The following ERC2 variants were observed in gnomAD, a reference collection of about 807,000 sequenced individuals.
ERC2 encodes the protein ERC protein 2.
ERC2 carries 42 observed loss-of-function variants against 114.8 expected under a neutral mutation model. That is an observed-to-expected ratio of 0.37 (90% CI 0.29 to 0.47). The LOEUF (loss-of-function observed/expected upper bound fraction) is 0.47. Ranked by LOEUF, ERC2 falls within the 20% of genes least tolerant of loss-of-function variation. The pLI, the probability that ERC2 is intolerant of heterozygous loss-of-function variation, is 0.99. For synonymous variants in ERC2, 454 were observed against 425.5 expected (o/e 1.07, Z -0.82); for missense variants, 939 against 1,150.7 (o/e 0.82, Z 2.66).
At chr3:55,715,175 T>C (rs1026808360) in intron 15 of ERC2, among the ~76,000 whole-genome samples, 109 of 152,284 alleles carry the variant, frequency 7.2e-4, no homozygotes, top group African/African-American at 2.5e-3. Context: ...GTTGTGTCTA[T>C]GCACAAACAG....
intron 17 of ERC2, among the ~76,000 whole-genome samples, chr3:55,586,399 T>C (rs1403351814): frequency 1.3e-5 from 2 of 152,246 alleles, no homozygotes; most frequent in African/African-American, 2.4e-5. Flanking sequence ...TTGACTATGA[T>C]AGCAGAAATG....
intron 13 of ERC2, among the ~76,000 whole-genome samples, chr3:55,926,648 A>G (rs970750936): frequency 6.6e-6 from 1 of 152,168 alleles, no homozygotes; most frequent in Non-Finnish European, 1.5e-5. Context: ...GGAATAAGGC[A>G]TCCTCCTTTA....
intron 14 of ERC2, among the ~76,000 whole-genome samples, chr3:55,809,108 G>A (rs1173787799): frequency 6.6e-6 from 1 of 152,022 alleles, no homozygotes; most frequent in Non-Finnish European, 1.5e-5. Context: ...GGAAGTACTA[G>A]TTACATTTAG....
chr3:55,690,146 C>A (rs563835135), intron 16 of ERC2, among the ~76,000 whole-genome samples: 10 of 152,198 alleles, frequency 6.6e-5, no homozygotes, highest in African/African-American at 2.4e-4. Context: ...TGCCCAAATC[C>A]GAATTTTTAA....
intron 12 of ERC2, among the ~76,000 whole-genome samples, chr3:55,981,321 C>A (rs2070116652): frequency 6.6e-6 from 1 of 152,216 alleles, no homozygotes; most frequent in African/African-American, 2.4e-5. Context: ...AATAAGGCAG[C>A]TTTAAAGAAG....
chr3:55,695,180 G>A (rs981299879), intron 16 of ERC2, among the ~76,000 whole-genome samples: 10 of 152,098 alleles, frequency 6.6e-5, no homozygotes, highest in Admixed American at 2.0e-4. Flanking sequence ...AATCAATCTT[G>A]GTAACCTAAG....
intron 7 of ERC2, among the ~76,000 whole-genome samples, chr3:56,032,001 T>C (rs2074405427): frequency 6.6e-6 from 1 of 152,178 alleles, no homozygotes; most frequent in Non-Finnish European, 1.5e-5. Context: ...CTTGCAGTAA[T>C]GAGTGAGTTC....
At chr3:55,912,661 A>G (rs77983947) in intron 13 of ERC2, among the ~76,000 whole-genome samples, 2 of 152,206 alleles carry the variant, frequency 1.3e-5, no homozygotes, top group Admixed American at 6.5e-5. Context: ...TTGGAAAGAA[A>G]TATATCAGGG....
chr3:56,156,403 G>A (rs976168407), intron 4 of ERC2, among the ~76,000 whole-genome samples: 8 of 152,122 alleles, frequency 5.3e-5, no homozygotes, highest in African/African-American at 7.2e-5. Context: ...AGTGATTCCC[G>A]AGTCACTCAA....
At chr3:56,410,876 A>G (rs1466376748) in intron 2 of ERC2, among the ~76,000 whole-genome samples, 1 of 152,018 alleles carries the variant, frequency 6.6e-6, no homozygotes, top group Non-Finnish European at 1.5e-5. Flanking sequence ...TCCCAATTTC[A>G]AAGTATTTAC....
intron 6 of ERC2, among the ~76,000 whole-genome samples, chr3:56,111,278 G>GCTCCCTCTTTCTCT (rs1188749460): frequency 1.9e-4 from 29 of 151,192 alleles, no homozygotes; most frequent in Non-Finnish European, 3.7e-4. Context: ...TCAATCTCTC[G>GCTCCCTCTTTCTCT]CTCCCTCTTT....
chr3:55,894,052 C>T (rs1406182089), intron 13 of ERC2, among the ~76,000 whole-genome samples: 5 of 152,056 alleles, frequency 3.3e-5, no homozygotes, highest in Admixed American at 2.0e-4. Flanking sequence ...GGCGGAGCAG[C>T]GTAGTGGCTT....
At chr3:55,566,073 T>G (rs1434414111) in intron 17 of ERC2, among the ~76,000 whole-genome samples, 4 of 152,212 alleles carry the variant, frequency 2.6e-5, no homozygotes, top group African/African-American at 9.6e-5. Context: ...TGGAGTAGCT[T>G]GACTTTCACT....
intron 17 of ERC2, among the ~76,000 whole-genome samples, chr3:55,525,540 G>A (rs994856341): frequency 2.0e-5 from 3 of 152,204 alleles, no homozygotes; most frequent in African/African-American, 7.2e-5. Context: ...GCTACCGAGT[G>A]GAAGAGGGAA....
rs192926098 is a variant in ERC2, at chr3:55,527,464, G to A, written c.*40-16188C>T. Among the ~76,000 whole-genome samples the A allele has an allele frequency of 9.4e-4, 143 of 152,290 alleles. 3 individuals carry two copies. The highest frequency in any genetic ancestry group is 2.9e-3 in the African/African-American group (122 of 41,572). Reference sequence around the variant, plus strand: ...AAAGGATGAGAGAAGAGAACGTAGCGAAATCCTCTTAAGACTCCAGTTCAC... The same window carrying A: ...AAAGGATGAGAGAAGAGAACGTAGCAAAATCCTCTTAAGACTCCAGTTCAC... On this transcript the variant is annotated intron_variant, in intron 17 of 17. Transcript: ENST00000288221.
chr3:56,184,143 CTT>C (rs988307858), intron 3 of ERC2, among the ~76,000 whole-genome samples: 2 of 152,026 alleles, frequency 1.3e-5, no homozygotes, highest in African/African-American at 4.8e-5. Context: ...GCATTAAAGA[CTT>C]TTTCACAGAT....
intron 2 of ERC2, among the ~76,000 whole-genome samples, chr3:56,411,733 A>G (rs929400790): frequency 6.6e-6 from 1 of 152,152 alleles, no homozygotes; most frequent in Non-Finnish European, 1.5e-5. Flanking sequence ...GGGTTTGGTG[A>G]CTTTTCCAAA....
chr3:55,515,660 G>A (rs373491792), intron 17 of ERC2, among the ~76,000 whole-genome samples: 1 of 151,596 alleles, frequency 6.6e-6, no homozygotes, highest in African/African-American at 2.4e-5. Context: ...ACCAGTATTG[G>A]GTGGGACTGC....
chr3:55,928,587 C>G (rs558587138), intron 13 of ERC2, among the ~76,000 whole-genome samples: 4 of 152,106 alleles, frequency 2.6e-5, no homozygotes, highest in African/African-American at 9.6e-5. Context: ...GATTGTTTCC[C>G]TTGTGTGTAG....
Sources: allele counts gnomAD v4.1 joint callset (sites outside exome capture counted in the v4.1 genomes callset), GRCh38; gene constraint gnomAD v4.1.1; transcripts MANE v1.5; gene names NCBI Gene and HGNC (gene_info 2026-07-23, HGNC 2026-07-21).